Variants in BAZ2B observed in about 807,000 individuals in gnomAD.
The protein encoded by BAZ2B is bromodomain adjacent to zinc finger domain 2B.
In BAZ2B, 91 loss-of-function variants were observed where a neutral mutation model predicts 246.0. The ratio of observed to expected loss-of-function variants is 0.37; its 90% CI spans 0.31 to 0.44. The LOEUF is 0.44. Ranked by LOEUF, BAZ2B falls within the 20% of genes least tolerant of loss-of-function variation. The pLI, the probability that BAZ2B is intolerant of heterozygous loss-of-function variation, is 1.00. For synonymous variants in BAZ2B, 855 were observed against 860.0 expected (o/e 0.99, Z 0.10); for missense variants, 2,332 against 2,533.7 (o/e 0.92, Z 1.71).
At chr2:159,636,146 C>A in the BAZ2B span, among the ~76,000 whole-genome samples, 3 of 152,294 alleles carry the variant, frequency 2.0e-5, no homozygotes, top group South Asian at 2.1e-4. Flanking sequence ...GCTCGACCCC[C>A]AAATGGAACA....
chr2:159,599,949 A>T lies in BAZ2B; in HGVS notation c.-46+16293T>A, dbSNP rs936538707. Among the ~76,000 whole-genome samples the T allele has an allele frequency of 2.6e-5, 4 of 151,674 alleles. No homozygotes were observed. In the East Asian group the frequency reaches 7.7e-4, roughly 29 times the overall value. The stretch of plus-strand genomic sequence containing the variant: ...AGACTCCTTCTCAAAAAAAAAAAAA[A>T]AAAAGAAAAGAAAAAGAAAGAAAGA... On this transcript the variant is annotated intron_variant, in intron 1 of 36. Coordinates refer to ENST00000392783, the MANE Select transcript of BAZ2B (RefSeq NM_013450.4).
intron 1 of BAZ2B, among the ~76,000 whole-genome samples, chr2:159,588,225 A>AAC (rs1688502979): frequency 6.6e-6 from 1 of 151,598 alleles, no homozygotes; most frequent in African/African-American, 2.4e-5. Context: ...AAAAAAAAAA[A>AAC]AAAAAAACCC....
chr2:159,579,172 G>A (rs538819118), intron 1 of BAZ2B, among the ~76,000 whole-genome samples: 1 of 152,032 alleles, frequency 6.6e-6, no homozygotes, highest in Admixed American at 6.6e-5. Flanking sequence ...CTGATAGATC[G>A]CTAGCAAGAC....
Position 159,377,097 on chromosome 2 carries a change from G to A in BAZ2B, c.4006-2344C>T, listed in dbSNP as rs141187712. On this transcript the variant is annotated intron_variant, in intron 25 of 36. Transcript: ENST00000392783. ...GAGGAGAAGAGGGAATTCTCTTTGA[G>A]ATAAAGGGGCTATGATCTAGTCAAG... Among the ~76,000 whole-genome samples, 1,244 of 152,264 alleles carry A rather than the reference G, an allele frequency of 8.2e-3. 8 individuals carry two copies. The highest frequency in any genetic ancestry group is 0.017 in the Middle Eastern group (5 of 294).
the BAZ2B span, among the ~76,000 whole-genome samples, chr2:159,698,515 C>CAAAAA: frequency 1.5e-5 from 2 of 130,498 alleles, no homozygotes; most frequent in Admixed American, 7.9e-5. Context: ...CACCATCCCA[C>CAAAAA]AAAAAAAAAA....
At chr2:159,456,061 C>T (rs944412829) in intron 3 of BAZ2B, among the ~76,000 whole-genome samples, 18 of 151,732 alleles carry the variant, frequency 1.2e-4, no homozygotes, top group African/African-American at 4.4e-4. Flanking sequence ...TTACAAATAA[C>T]AATTCCTAAA....
At chr2:159,584,634 G>C (rs6711049) in intron 1 of BAZ2B, among the ~76,000 whole-genome samples, 83,452 of 152,038 alleles carry the variant, frequency 0.55, 23,625 homozygotes, top group East Asian at 0.74. Context: ...TGGGATATGA[G>C]AGGAGTTAAG....
At chr2:159,383,809 C>T in intron 23 of BAZ2B, 129 bp from the exon 24 acceptor site, 1 of 704,076 alleles carries the variant, frequency 1.4e-6, no homozygotes, top group South Asian at 1.8e-5. Context: ...CAACTGACCT[C>T]ATGCATATAC....
chr2:159,543,535 C>CTTTT (rs199527937), intron 2 of BAZ2B, among the ~76,000 whole-genome samples: 11 of 127,304 alleles, frequency 8.6e-5, no homozygotes, highest in East Asian at 2.2e-4. Context: ...CTTAACAATT[C>CTTTT]TTTTTTTTTT....
In BAZ2B at chr2:159,412,456, A is replaced by C; in HGVS notation, c.2556T>G (p.Asp852Glu). Reference sequence around the variant, plus strand: ...TGGATTCCTCTCTTGCTCGTTGTCTATCTGGATTTGGTGGTCTTCCTCTAC... The same window carrying C: ...TGGATTCCTCTCTTGCTCGTTGTCTCTCTGGATTTGGTGGTCTTCCTCTAC... ...EGRRGRPPNP[D>E]RQRAREESRM... The change falls in exon 14 of 37, where the codon GAT becomes GAG. Residue 852 changes from aspartate (D) to glutamate (E), a missense_variant. This residue lies in a region of BAZ2B where 651 missense variants were observed against 650.9 expected (regional missense o/e 1.00). Coordinates refer to ENST00000392783, the MANE Select transcript of BAZ2B (RefSeq NM_013450.4). The C allele has an allele frequency of 1.2e-6, 2 of 1,614,088 alleles. No individual in the cohort carries two copies. Among genetic ancestry groups the C allele is most frequent in the East Asian group, 4.5e-5 (2 of 44,850 alleles).
At chr2:159,692,822 T>C in the BAZ2B span, among the ~76,000 whole-genome samples, 1 of 152,230 alleles carries the variant, frequency 6.6e-6, no homozygotes, top group Admixed American at 6.5e-5. Flanking sequence ...AGAGTTTCAT[T>C]CTGTCACCAA....
intron 2 of BAZ2B, among the ~76,000 whole-genome samples, chr2:159,501,044 C>T (rs1470287420): frequency 1.4e-5 from 2 of 141,044 alleles, no homozygotes; most frequent in Admixed American, 1.5e-4. Context: ...CTGAGGCAGG[C>T]GGACTGCTTG....
At chr2:159,667,379 T>G in the BAZ2B span, among the ~76,000 whole-genome samples, 2 of 151,984 alleles carry the variant, frequency 1.3e-5, no homozygotes, top group Non-Finnish European at 2.9e-5. Context: ...GTGGATCACT[T>G]GAGGCCAGAA....
chr2:159,427,849 A>C, intron 13 of BAZ2B, 92 bp downstream of exon 13: 1 of 987,570 alleles, frequency 1.0e-6, no homozygotes, highest in East Asian at 2.4e-5. Flanking sequence ...AATTAAAGAA[A>C]GGCAATGCTC....
chr2:159,542,603 A>G (rs963292001), intron 2 of BAZ2B, among the ~76,000 whole-genome samples: 1 of 152,106 alleles, frequency 6.6e-6, no homozygotes, highest in Non-Finnish European at 1.5e-5. Flanking sequence ...TACCACTGCA[A>G]TCCAGCCCAG....
At chr2:159,348,985 T>C (rs1044282723) in intron 29 of BAZ2B, 22 bp downstream of exon 29, 1 of 1,610,796 alleles carries the variant, frequency 6.2e-7, no homozygotes, top group Admixed American at 1.7e-5. Context: ...TAAGTGGCTG[T>C]AAACCATCTC....
At chr2:159,360,667 A>G (rs1359565052) in intron 27 of BAZ2B, among the ~76,000 whole-genome samples, 3 of 152,246 alleles carry the variant, frequency 2.0e-5, no homozygotes, top group Admixed American at 2.0e-4. Flanking sequence ...GAAAGAACAA[A>G]GCTGGAGGCA....
Position 159,434,581 on chromosome 2 carries a change from C to T in BAZ2B, c.1294-1218G>A, listed in dbSNP as rs529721287. 82 of 152,166 alleles carry T rather than the reference C, an allele frequency of 5.4e-4. 1 individual carries two copies. The highest frequency in any genetic ancestry group is 1.8e-3 in the African/African-American group (74 of 41,548). 9.4% of individuals were successfully genotyped at this position (152,166 alleles called of 1,614,324 possible). A position where few individuals can be genotyped will look rare whatever the true frequency, so the allele number is the denominator to read the frequency against. On this transcript the variant is annotated intron_variant, in intron 8 of 36. Transcript: ENST00000392783. ...GATAACTTAACATCTTTGATAAATT[C>T]CTCAGGGTAGAAACACTCATTTATT...
chr2:159,423,314 T>TAAACAAACAAAC (rs60596753), intron 13 of BAZ2B, among the ~76,000 whole-genome samples: 4,913 of 151,186 alleles, frequency 0.032, 217 homozygotes, highest in African/African-American at 0.1. Flanking sequence ...AGACTCTATC[T>TAAACAAACAAAC]AAACAAACAA....
Sources: allele counts gnomAD v4.1 joint callset (sites outside exome capture counted in the v4.1 genomes callset), GRCh38; gene constraint gnomAD v4.1.1; regional missense constraint gnomAD v4.1.1; transcripts MANE v1.5; gene names NCBI Gene and HGNC (gene_info 2026-07-23, HGNC 2026-07-21).